Variants in CEP162 observed in about 807,000 individuals in gnomAD.
CEP162 encodes centrosomal protein 162.
CEP162 carries 141 observed loss-of-function variants against 169.2 expected under a neutral mutation model. The ratio of observed to expected loss-of-function variants is 0.83; its 90% confidence interval spans 0.73 to 0.96. The LOEUF is 0.96. Ranked by LOEUF, CEP162 falls within the 40% of genes least tolerant of loss-of-function variation. CEP162 has a pLI of 0.00. For missense variants in CEP162, 1,600 were observed against 1,587.2 expected (o/e 1.01, Z -0.14); for synonymous variants, 540 against 526.4 (o/e 1.03, Z -0.35).
At chr6:84,161,529 T>G (rs2099525764) in intron 20 of CEP162, among the ~76,000 whole-genome samples, 1 of 152,184 alleles carries the variant, frequency 6.6e-6, no homozygotes, top group Non-Finnish European at 1.5e-5. Flanking sequence ...AGGCAGGGTT[T>G]GGACCCCATG....
Position 84,152,719 on chromosome 6 carries a change from C to A in CEP162, c.3455G>T (p.Gly1152Val). The change falls in exon 23 of 27, where the codon GGA becomes GTA. Residue 1152 changes from glycine (G) to valine (V), a missense_variant. Coordinates refer to ENST00000403245, the MANE Select transcript of CEP162 (RefSeq NM_014895.4). ...TTGGTACAGCTTGCTGTCCAGGGTT[C>A]CAGGGAAGGAGTTAGCATTTCCTTT... Reference protein sequence around the residue: ...SSKGNANSFPGTLDSKLYQPH... With the variant: ...SSKGNANSFPVTLDSKLYQPH... 6.2e-7 allele frequency: 1 copy of A among 1,613,142 alleles called. No homozygotes were observed. Among genetic ancestry groups the A allele is most frequent in the Non-Finnish European group, 8.5e-7 (1 of 1,179,570 alleles).
chr6:84,197,644 C>T (rs1297743857), intron 9 of CEP162, among the ~76,000 whole-genome samples: 3 of 152,012 alleles, frequency 2.0e-5, no homozygotes, highest in Admixed American at 2.0e-4. Flanking sequence ...GAAACCTCGT[C>T]TCCACTAAAA....
intron 6 of CEP162, among the ~76,000 whole-genome samples, chr6:84,206,634 C>A (rs1408404923): frequency 6.6e-6 from 1 of 152,126 alleles, no homozygotes; most frequent in Non-Finnish European, 1.5e-5. Flanking sequence ...AAAACCTAGG[C>A]AATACCATTC....
chr6:84,125,372 G>T, intron 26 of CEP162, 96 bp from the exon 27 acceptor site: 2 of 973,284 alleles, frequency 2.1e-6, no homozygotes, highest in Non-Finnish European at 3.2e-6. Context: ...GGGTTTCTTT[G>T]GGGAACTCAG....
intron 25 of CEP162, among the ~76,000 whole-genome samples, chr6:84,130,493 T>G (rs1436651207): frequency 5.3e-5 from 8 of 152,136 alleles, no homozygotes; most frequent in Non-Finnish European, 1.2e-4. Context: ...GTCCTGGACT[T>G]TTTTTGGTTG....
chr6:84,187,660 G>T (rs2099537788), intron 11 of CEP162, among the ~76,000 whole-genome samples: 1 of 152,120 alleles, frequency 6.6e-6, no homozygotes, highest in Admixed American at 6.5e-5. Flanking sequence ...TAGTTGTCAA[G>T]TTTAGGATGG....
chr6:84,149,379 A>T (rs1001879270), intron 24 of CEP162, among the ~76,000 whole-genome samples, 183 bp downstream of exon 24: 2 of 151,970 alleles, frequency 1.3e-5, no homozygotes, highest in Non-Finnish European at 2.9e-5. Context: ...TATCTTCTTT[A>T]AAAAAATTAA....
chr6:84,151,726 A>G (rs1466784396), intron 23 of CEP162, among the ~76,000 whole-genome samples: 1 of 152,098 alleles, frequency 6.6e-6, no homozygotes, highest in Non-Finnish European at 1.5e-5. Flanking sequence ...TAAAAGAAAC[A>G]GAAAAGGAGT....
chr6:84,163,189 T>C lies in CEP162; in HGVS notation c.2467A>G (p.Lys823Glu), dbSNP rs1207199978. 1 of 1,613,278 alleles carries C rather than the reference T, an allele frequency of 6.2e-7. No homozygotes were observed. The highest frequency in any genetic ancestry group is 1.3e-5 in the African/African-American group (1 of 74,900). ...QALEVDFEKMKKERDQAKDQI... is the reference protein window; with the variant it reads ...QALEVDFEKMEKERDQAKDQI... ...TCTTTGGCTTGGTCCCTCTCTTTCT[T>C]CATTTTTTCGAAGTCTACTTCAAGA... is the stretch of plus-strand genomic sequence containing the variant. The change falls in exon 19 of 27, where the codon AAG becomes GAG. Residue 823 changes from lysine (K) to glutamate (E), a missense_variant. Lys to Glu is a moderately conservative substitution (Grantham distance 56). Coordinates refer to ENST00000403245, the MANE Select transcript of CEP162 (RefSeq NM_014895.4).
At chr6:84,174,985 T>G (rs1331240336) in intron 14 of CEP162, 31 bp from the exon 15 acceptor site, 1 of 1,361,316 alleles carries the variant, frequency 7.3e-7, no homozygotes, top group Non-Finnish European at 1.0e-6. Context: ...TTCATTACAG[T>G]AGACTTATGT....
Position 84,124,643 on chromosome 6 carries a change from G to C in CEP162, c.*427C>G, listed in dbSNP as rs1268482667. On this transcript the variant is annotated 3_prime_UTR_variant, in exon 27 of 27. Transcript: ENST00000403245. ...TGTTGGGTACAGTGTTTAATATTTG[G>C]ATGATGGGTACACTAGAAGCCCAAT... 1 of 215,960 alleles carries C rather than the reference G, an allele frequency of 4.6e-6. No individual in the cohort carries two copies. The allele number at this position is 215,960 out of a possible 1,614,324, so 13.4% of individuals were successfully genotyped here. A position where few individuals can be genotyped will look rare whatever the true frequency, so the allele number is the denominator to read the frequency against.
chr6:84,221,054 T>C lies in CEP162; in HGVS notation c.172+3A>G. On this transcript the variant is annotated splice_donor_region_variant and intron_variant, in intron 3 of 26. Coordinates refer to ENST00000403245, the MANE Select transcript of CEP162 (RefSeq NM_014895.4). ...TTTGAAACTAAAAATCAGCAACATT[T>C]ACCATCATCTTTAAAATCATCTTCA... 1 of 1,488,994 alleles carries C rather than the reference T, an allele frequency of 6.7e-7. No homozygotes were observed. The highest frequency in any genetic ancestry group is 9.4e-7 in the Non-Finnish European group (1 of 1,069,422). The allele number at this position is 1,488,994 out of a possible 1,614,324, so 92.2% of individuals were successfully genotyped here. A position where few individuals can be genotyped will look rare whatever the true frequency, so the allele number is the denominator to read the frequency against.
intron 13 of CEP162, among the ~76,000 whole-genome samples, chr6:84,180,982 T>C (rs1233937915): frequency 2.0e-5 from 3 of 152,100 alleles, no homozygotes; most frequent in Admixed American, 6.6e-5. Context: ...CTTCACAGAA[T>C]TGGAAAAAAC....
chr6:84,175,067 A>G, intron 14 of CEP162, 113 bp from the exon 15 acceptor site: 1 of 905,574 alleles, frequency 1.1e-6, no homozygotes, highest in Non-Finnish European at 1.6e-6. Context: ...TCTATTATAT[A>G]AGAAAATTAA....
intron 23 of CEP162, among the ~76,000 whole-genome samples, chr6:84,150,506 G>A (rs182631146): frequency 9.9e-5 from 15 of 152,180 alleles, no homozygotes; most frequent in African/African-American, 3.6e-4. Flanking sequence ...TGGAAACAGT[G>A]TGAGTAGGGT....
At chr6:84,186,706 C>G in intron 11 of CEP162, 83 bp from the exon 12 acceptor site, 1 of 1,046,960 alleles carries the variant, frequency 9.6e-7, no homozygotes, top group Non-Finnish European at 1.4e-6. Flanking sequence ...TGTGTGTACA[C>G]GCAGACACAC....
chr6:84,207,755 G>C (rs916785680), intron 6 of CEP162, among the ~76,000 whole-genome samples: 2 of 151,976 alleles, frequency 1.3e-5, no homozygotes, highest in African/African-American at 4.8e-5. Context: ...TTTAATGAGA[G>C]TTCAATTTAT....
intron 23 of CEP162, among the ~76,000 whole-genome samples, chr6:84,152,186 G>A (rs922715658): frequency 1.3e-5 from 2 of 152,160 alleles, no homozygotes; most frequent in African/African-American, 4.8e-5. Context: ...AACAATAACT[G>A]TTTTCTGAAA....
chr6:84,163,282 A>T lies in CEP162; in HGVS notation c.2386-12T>A. 1 of 1,588,558 alleles carries T rather than the reference A, an allele frequency of 6.3e-7. No individual in the cohort carries two copies. The highest frequency in any genetic ancestry group is 8.6e-7 in the Non-Finnish European group (1 of 1,162,050). ...CTGTCTTTTTCTTTCTTGATATTCA[A>T]AAGAAATATAAAAGCAAGTTTTTTA... On this transcript the variant is annotated splice_polypyrimidine_tract_variant and intron_variant, in intron 18 of 26. Transcript: ENST00000403245.
Sources: gnomAD v4.1 joint callset for allele counts (sites outside exome capture counted in the v4.1 genomes callset) on GRCh38, gnomAD v4.1.1 for gene constraint, MANE v1.5 for transcripts, NCBI Gene and HGNC (gene_info 2026-07-23, HGNC 2026-07-21) for gene names.